The following INPP4B variants were observed in gnomAD, a reference collection of about 807,000 sequenced individuals.
The protein encoded by INPP4B is inositol polyphosphate-4-phosphatase type II B, also known as inositol polyphosphate 4-phosphatase type II.
Under a neutral mutation model 122.5 loss-of-function variants are expected in INPP4B, and 55 were observed. That is an observed-to-expected ratio of 0.45 (90% CI 0.36 to 0.56). The LOEUF is 0.56. Ranked by LOEUF, INPP4B falls within the 20% of genes least tolerant of loss-of-function variation. INPP4B has a pLI of 0.00. For synonymous variants in INPP4B, 403 were observed against 388.7 expected (o/e 1.04, Z -0.43); for missense variants, 1,000 against 1,097.7 (o/e 0.91, Z 1.26).
chr4:142,333,572 A>G (rs1005675314), intron 7 of INPP4B, among the ~76,000 whole-genome samples: 4 of 152,242 alleles, frequency 2.6e-5, no homozygotes, highest in African/African-American at 9.6e-5. Context: ...ACAAGGAAAG[A>G]AAGACTTGTA....
chr4:142,820,453 G>A (rs1167953848), intron 1 of INPP4B, among the ~76,000 whole-genome samples: 2 of 152,052 alleles, frequency 1.3e-5, no homozygotes, highest in African/African-American at 2.4e-5. Flanking sequence ...AGTGGAAACA[G>A]TTGAGGCCCT....
intron 14 of INPP4B, among the ~76,000 whole-genome samples, chr4:142,198,662 A>C (rs1839422303): frequency 6.6e-6 from 1 of 151,856 alleles, no homozygotes; most frequent in Admixed American, 6.6e-5. Flanking sequence ...TTTGCTTCAG[A>C]GGGTCAATGT....
intron 2 of INPP4B, among the ~76,000 whole-genome samples, chr4:142,653,964 C>T (rs888842387): frequency 2.4e-4 from 37 of 152,102 alleles, no homozygotes; most frequent in Admixed American, 2.6e-4. Flanking sequence ...AGACTTGGAA[C>T]CAACCCAAAT....
At chr4:142,678,438 A>C (rs146159209) in intron 2 of INPP4B, among the ~76,000 whole-genome samples, 1 of 151,928 alleles carries the variant, frequency 6.6e-6, no homozygotes, top group African/African-American at 2.4e-5. Flanking sequence ...CTCCCATTAG[A>C]CAACTGAGTG....
intron 25 of INPP4B, among the ~76,000 whole-genome samples, chr4:142,048,565 G>A (rs1160829303): frequency 6.6e-6 from 1 of 151,888 alleles, no homozygotes; most frequent in Non-Finnish European, 1.5e-5. Context: ...TTATGTTTGT[G>A]TGTTACATGT....
At chr4:142,621,930 T>C (rs1426681057) in intron 2 of INPP4B, among the ~76,000 whole-genome samples, 1 of 151,954 alleles carries the variant, frequency 6.6e-6, no homozygotes, top group Non-Finnish European at 1.5e-5. Flanking sequence ...GTGTTGTTAA[T>C]AGCCTACTTT....
intron 1 of INPP4B, among the ~76,000 whole-genome samples, chr4:142,768,585 T>G (rs968964692): frequency 1.3e-5 from 2 of 152,180 alleles, no homozygotes; most frequent in African/African-American, 2.4e-5. Context: ...ATTATCTACC[T>G]CAGAGCATTG....
intron 7 of INPP4B, among the ~76,000 whole-genome samples, chr4:142,359,221 CAAACAAAA>C (rs1784602995): frequency 6.9e-6 from 1 of 145,924 alleles, no homozygotes; most frequent in South Asian, 2.1e-4. Context: ...AACAAACAAA[CAAACAAAA>C]AAAAAAAACA....
chr4:142,783,642 G>C (rs1775256185), intron 1 of INPP4B, among the ~76,000 whole-genome samples: 1 of 151,988 alleles, frequency 6.6e-6, no homozygotes, highest in Admixed American at 6.6e-5. Flanking sequence ...GCAACACTGG[G>C]ATTATGATAA....
chr4:142,741,866 G>T (rs943861511), intron 1 of INPP4B, among the ~76,000 whole-genome samples: 1 of 151,866 alleles, frequency 6.6e-6, no homozygotes, highest in African/African-American at 2.4e-5. Context: ...CATGGCAAGG[G>T]AATAGGGCAA....
intron 25 of INPP4B, among the ~76,000 whole-genome samples, chr4:142,076,372 A>G (rs1300246443): frequency 6.6e-6 from 1 of 152,024 alleles, no homozygotes; most frequent in Non-Finnish European, 1.5e-5. Flanking sequence ...ACTTGCTCTA[A>G]CATGATTTCT....
At chr4:142,643,715 A>C (rs968924859) in intron 2 of INPP4B, among the ~76,000 whole-genome samples, 1 of 152,226 alleles carries the variant, frequency 6.6e-6, no homozygotes, top group Admixed American at 6.5e-5. Context: ...AAAGCTTACC[A>C]TGAAAATACT....
At chr4:142,755,718 T>C (rs1452300331) in intron 1 of INPP4B, among the ~76,000 whole-genome samples, 1 of 152,066 alleles carries the variant, frequency 6.6e-6, no homozygotes, top group African/African-American at 2.4e-5. Context: ...AGTATAATAG[T>C]TTATCCTGTT....
intron 7 of INPP4B, among the ~76,000 whole-genome samples, chr4:142,332,762 T>G (rs1017185153): frequency 5.3e-5 from 8 of 150,916 alleles, no homozygotes; most frequent in African/African-American, 2.0e-4. Flanking sequence ...CCCAGCACTT[T>G]GGGAGGCCAA....
In INPP4B at chr4:142,078,371, C is replaced by T. The variant is rs865929393; in HGVS notation, c.2642+3660G>A. On this transcript the variant is annotated intron_variant, in intron 25 of 25. Transcript: ENST00000262992. ...TCAATATGTCACAATCAAGTGATAACTTCATATGCTTAATTTAAAATGCTT... is the reference window on the plus strand; with the variant it reads ...TCAATATGTCACAATCAAGTGATAATTTCATATGCTTAATTTAAAATGCTT... Among the ~76,000 whole-genome samples, 5 of 152,090 alleles carry T rather than the reference C, an allele frequency of 3.3e-5. 1 individual carries two copies. The highest frequency in any genetic ancestry group is 3.4e-3 in the Middle Eastern group (1 of 294).
At chr4:142,384,401 C>T (rs1161837610) in intron 7 of INPP4B, among the ~76,000 whole-genome samples, 1 of 152,160 alleles carries the variant, frequency 6.6e-6, no homozygotes, top group Non-Finnish European at 1.5e-5. Context: ...TTGCCTACTA[C>T]ATACTTAGGC....
rs570718592 is a variant in INPP4B at position 142,193,143 on chromosome 4, T to A, written c.1125A>T (p.Gly375=). 2.1e-5 allele frequency: 34 copies of A among 1,613,278 alleles called. No homozygotes were observed. The Middle Eastern group carries it at 5.0e-4, about 23-fold the overall frequency. ...TVGAPAAHFQ[G]FKNGGLRKLL... ...GCTTCCGAAGACCACCATTCTTAAA[T>A]CCCTGAAAATGGGCAGCTGGGGCTC... The change falls in exon 15 of 26, where the codon GGA becomes GGT. Residue 375 remains glycine (G), a synonymous_variant. Coordinates refer to ENST00000262992, the MANE Select transcript of INPP4B (RefSeq NM_001101669.3).
rs1294562759 is a variant in INPP4B, at chr4:142,632,000, G to T, written c.-191+93839C>A. Among the ~76,000 whole-genome samples, 3 of 152,122 alleles carry T rather than the reference G, an allele frequency of 2.0e-5. No homozygotes were observed. In the East Asian group the frequency reaches 5.8e-4, roughly 29 times the overall value. Reference sequence around the variant, plus strand: ...AAGGGTTATATACCACAGGGAAAGGGTATATGTGCTCCAGCAAGACAGTTA... The same window carrying T: ...AAGGGTTATATACCACAGGGAAAGGTTATATGTGCTCCAGCAAGACAGTTA... On this transcript the variant is annotated intron_variant, in intron 2 of 25. Coordinates refer to ENST00000262992, the MANE Select transcript of INPP4B (RefSeq NM_001101669.3).
At chr4:142,483,182 CTTTTTTTTTTT>C (rs5862604) in intron 2 of INPP4B, among the ~76,000 whole-genome samples, 5 of 48,326 alleles carry the variant, frequency 1.0e-4, no homozygotes, top group African/African-American at 2.0e-4. Context: ...TCAGGCTATG[CTTTTTTTTTTT>C]TTTTTTTTTT....
Sources: allele counts gnomAD v4.1 joint callset (sites outside exome capture counted in the v4.1 genomes callset), GRCh38; gene constraint gnomAD v4.1.1; transcripts MANE v1.5; gene names NCBI Gene and HGNC (gene_info 2026-07-23, HGNC 2026-07-21).